AK5: variants seen among roughly 807,000 people sequenced by gnomAD.
AK5 encodes adenylate kinase isoenzyme 5.
In AK5, 27 loss-of-function variants were observed where a neutral mutation model predicts 69.5. The ratio of observed to expected loss-of-function variants is 0.39; its 90% CI spans 0.29 to 0.54. The LOEUF is 0.54. Among genes scored for constraint, AK5 ranks in the 20% least tolerant of loss-of-function variants. The pLI, the probability that AK5 is intolerant of heterozygous loss-of-function variation, is 0.71. For missense variants in AK5, 531 were observed against 700.4 expected (o/e 0.76, Z 2.73); for synonymous variants, 260 against 244.4 (o/e 1.06, Z -0.60).
chr1:77,428,866 T>A (rs1300535300), intron 8 of AK5, among the ~76,000 whole-genome samples: 1 of 152,194 alleles, frequency 6.6e-6, no homozygotes, highest in Non-Finnish European at 1.5e-5. Context: ...TGGTTTTTTG[T>A]CCTTGCGATA....
Position 77,417,711 on chromosome 1 carries a change from A to G in AK5, c.1055A>G (p.Asp352Gly). 1 of 1,583,950 alleles carries G rather than the reference A, an allele frequency of 6.3e-7. No homozygotes were observed. Among genetic ancestry groups the G allele is most frequent in the Non-Finnish European group, 8.7e-7 (1 of 1,155,906 alleles). ...ATTGATACAGGATCTGATTATGAAG[A>G]TCAGGTAATTAAAATCTGAAAATAG... ...EIIDTGSDYE[D>G]QGDDQLNVFG... Residue 352 changes from aspartate to glycine, a missense_variant, in exon 8 of 14, where the codon GAT becomes GGT. By Grantham distance (94) the Asp-to-Gly change is moderately conservative. Coordinates refer to ENST00000354567, the MANE Select transcript of AK5 (RefSeq NM_174858.3).
chr1:77,538,270 T>TC (rs1326037933), intron 13 of AK5, among the ~76,000 whole-genome samples: 1 of 150,920 alleles, frequency 6.6e-6, no homozygotes, highest in Non-Finnish European at 1.5e-5. Flanking sequence ...GCCTGGGAGG[T>TC]CAAGGCTGCA....
At chr1:77,500,095 A>G (rs1656621190) in intron 10 of AK5, among the ~76,000 whole-genome samples, 1 of 151,792 alleles carries the variant, frequency 6.6e-6, no homozygotes, top group African/African-American at 2.4e-5. Context: ...AGTAATAACC[A>G]TCTCAGAGCC....
chr1:77,513,310 CAT>C (rs2100296276), intron 10 of AK5, among the ~76,000 whole-genome samples: 1 of 152,296 alleles, frequency 6.6e-6, no homozygotes, highest in South Asian at 2.1e-4. Flanking sequence ...AGCCCCCACT[CAT>C]AGAACCTATC....
At chr1:77,449,249 C>T (rs934602375) in intron 8 of AK5, among the ~76,000 whole-genome samples, 2 of 152,236 alleles carry the variant, frequency 1.3e-5, no homozygotes, top group Non-Finnish European at 2.9e-5. Flanking sequence ...TGCAAAGCCA[C>T]AGGGGCAGAG....
intron 6 of AK5, among the ~76,000 whole-genome samples, chr1:77,361,405 G>A (rs935071515): frequency 3.3e-5 from 5 of 152,174 alleles, no homozygotes; most frequent in African/African-American, 1.2e-4. Flanking sequence ...AGAATGGACA[G>A]AGAAGTTTAC....
chr1:77,514,214 A>T (rs1230641946), intron 10 of AK5, among the ~76,000 whole-genome samples: 4 of 152,128 alleles, frequency 2.6e-5, no homozygotes, highest in African/African-American at 9.7e-5. Context: ...GAATCATATC[A>T]CGTGGTATGG....
rs1557650245 is a variant in AK5, at chr1:77,518,736, C to A, written c.1311+9C>A. On this transcript the variant is annotated intron_variant, in intron 11 of 13. Transcript: ENST00000354567. ...GAGACCTGGTGCCCTCAGTAAGCAA[C>A]ATGGCCTGACCCACATTACTGCCTT... 1 of 1,613,476 alleles carries A rather than the reference C, an allele frequency of 6.2e-7. No individual in the cohort carries two copies. The highest frequency in any genetic ancestry group is 1.7e-5 in the Admixed American group (1 of 59,984).
intron 10 of AK5, among the ~76,000 whole-genome samples, chr1:77,504,476 T>C (rs1656917124): frequency 6.6e-6 from 1 of 151,956 alleles, no homozygotes; most frequent in Non-Finnish European, 1.5e-5. Context: ...CAGAATGAGA[T>C]CATATAATTT....
intron 12 of AK5, among the ~76,000 whole-genome samples, chr1:77,531,338 A>G (rs1658570704): frequency 6.6e-6 from 1 of 152,210 alleles, no homozygotes; most frequent in Non-Finnish European, 1.5e-5. Context: ...ACTGCAGGCT[A>G]GGATCTGGCC....
chr1:77,368,245 A>ATATATATATATATATATGTTATATATAT (rs376578923), intron 6 of AK5, among the ~76,000 whole-genome samples: 1,120 of 67,684 alleles, frequency 0.017, 201 homozygotes, highest in Middle Eastern at 0.032. Context: ...ATATATATAT[A>ATATATATATATATATATGTTATATATAT]TATATATAAT....
intron 10 of AK5, among the ~76,000 whole-genome samples, chr1:77,506,282 T>A (rs11585641): frequency 0.16 from 24,123 of 151,834 alleles, 2,257 homozygotes; most frequent in South Asian, 0.36. Context: ...GGGGTTTTTT[T>A]AATTTTTTAA....
chr1:77,328,957 G>A (rs756667080), intron 5 of AK5, among the ~76,000 whole-genome samples: 1 of 152,152 alleles, frequency 6.6e-6, no homozygotes, highest in Non-Finnish European at 1.5e-5. Flanking sequence ...TCCCATGGCC[G>A]AAGGGTGGAT....
At chr1:77,297,752 A>T (rs779397687) in intron 4 of AK5, 24 bp downstream of exon 4, 1 of 1,606,100 alleles carries the variant, frequency 6.2e-7, no homozygotes, top group Admixed American at 1.7e-5. Context: ...ATTATCTTTT[A>T]TTCTGCAAAA....
rs1191380977 is a variant in AK5, at chr1:77,558,760, T to C, written c.*90T>C. ...AATGTTTCAAGTTAAACCTTTTGTG[T>C]CACCGCCCCCACCAACCACCACCTC... On this transcript the variant is annotated 3_prime_UTR_variant, in exon 14 of 14. Transcript: ENST00000354567. 1 of 934,216 alleles carries C rather than the reference T, an allele frequency of 1.1e-6. No homozygotes were observed. The highest frequency in any genetic ancestry group is 1.6e-5 in the African/African-American group (1 of 62,676). 57.9% of individuals were successfully genotyped at this position (934,216 alleles called of 1,614,324 possible).
intron 6 of AK5, among the ~76,000 whole-genome samples, chr1:77,398,278 G>A (rs754073188): frequency 3.9e-5 from 6 of 152,192 alleles, no homozygotes; most frequent in Non-Finnish European, 7.3e-5. Flanking sequence ...AGGCAGCACA[G>A]CGGGTTTTTT....
chr1:77,337,669 T>A (rs1343559267), intron 5 of AK5, among the ~76,000 whole-genome samples: 1 of 152,222 alleles, frequency 6.6e-6, no homozygotes, highest in Non-Finnish European at 1.5e-5. Flanking sequence ...CTACAAGTGA[T>A]TCTCTAATTT....
chr1:77,481,865 A>G (rs1655272530), intron 8 of AK5, among the ~76,000 whole-genome samples: 1 of 152,248 alleles, frequency 6.6e-6, no homozygotes, highest in Non-Finnish European at 1.5e-5. Context: ...TTTCCAAAAA[A>G]AGTTTGAGAC....
intron 1 of AK5, among the ~76,000 whole-genome samples, chr1:77,286,351 C>T (rs1658350989): frequency 1.3e-5 from 2 of 149,772 alleles, no homozygotes; most frequent in Non-Finnish European, 3.0e-5. Flanking sequence ...AAGTGAATGG[C>T]TCTTCCATTT....
Sources: allele counts gnomAD v4.1 joint callset (sites outside exome capture counted in the v4.1 genomes callset), GRCh38; gene constraint gnomAD v4.1.1; transcripts MANE v1.5; gene names NCBI Gene and HGNC (gene_info 2026-07-23, HGNC 2026-07-21).